The following VAV3 variants were observed in gnomAD, a reference collection of about 807,000 sequenced individuals.
The protein encoded by VAV3 is guanine nucleotide exchange factor VAV3.
In VAV3, 94 loss-of-function variants were observed where a neutral mutation model predicts 131.2. That is an observed-to-expected ratio of 0.72 (90% CI 0.61 to 0.85). VAV3 has a LOEUF of 0.85. Ranked by LOEUF, VAV3 falls within the 40% of genes least tolerant of loss-of-function variation. The pLI is 0.00. For missense variants in VAV3, 939 were observed against 1,002.7 expected (o/e 0.94, Z 0.86); for synonymous variants, 349 against 342.0 (o/e 1.02, Z -0.22).
chr1:107,715,869 G>A (rs1049338936), intron 15 of VAV3, among the ~76,000 whole-genome samples: 1 of 152,106 alleles, frequency 6.6e-6, no homozygotes, highest in African/African-American at 2.4e-5. Context: ...TGCTGAGCTG[G>A]CACAGTGAAT....
chr1:107,891,154 A>AG (rs1215819503), intron 1 of VAV3, among the ~76,000 whole-genome samples: 1 of 151,642 alleles, frequency 6.6e-6, no homozygotes, highest in Non-Finnish European at 1.5e-5. Flanking sequence ...TTCTTTAAAA[A>AG]AAAAAAAAAT....
At chr1:107,805,540 C>G (rs765647421) in intron 2 of VAV3, among the ~76,000 whole-genome samples, 1 of 152,124 alleles carries the variant, frequency 6.6e-6, no homozygotes, top group Non-Finnish European at 1.5e-5. Context: ...TTAAATTTCT[C>G]TGGTAAATTT....
At chr1:107,688,464 A>G (rs759183775) in intron 17 of VAV3, 58 bp from the exon 18 acceptor site, 57 of 1,608,984 alleles carry the variant, frequency 3.5e-5, no homozygotes, top group Non-Finnish European at 4.8e-5. Context: ...TTGGTTAGCA[A>G]CCTTAGCTTT....
At chr1:107,886,646 CTCT>C (rs762795118) in intron 1 of VAV3, among the ~76,000 whole-genome samples, 11 of 152,114 alleles carry the variant, frequency 7.2e-5, no homozygotes, top group Non-Finnish European at 1.5e-4. Context: ...AATAGCTTTC[CTCT>C]TCTTATGAAT....
At chr1:107,742,089 T>C (rs1570876206) in intron 15 of VAV3, among the ~76,000 whole-genome samples, 2 of 152,186 alleles carry the variant, frequency 1.3e-5, no homozygotes, top group African/African-American at 4.8e-5. Flanking sequence ...AAAAATCTAA[T>C]GCTGCTGGTA....
intron 2 of VAV3, among the ~76,000 whole-genome samples, chr1:107,815,015 C>A (rs943227194): frequency 6.6e-6 from 1 of 152,054 alleles, no homozygotes; most frequent in Admixed American, 6.5e-5. Flanking sequence ...AAGTTCCTAG[C>A]CCAAGGGAAT....
chr1:107,703,576 G>A (rs892580277), intron 17 of VAV3, among the ~76,000 whole-genome samples: 2 of 152,176 alleles, frequency 1.3e-5, no homozygotes, highest in African/African-American at 4.8e-5. Context: ...AGAGGAATGT[G>A]CTATGATCTC....
At chr1:107,588,451 G>A (rs1418945370) in intron 25 of VAV3, among the ~76,000 whole-genome samples, 3 of 152,162 alleles carry the variant, frequency 2.0e-5, no homozygotes, top group Non-Finnish European at 4.4e-5. Flanking sequence ...ACTTCACACT[G>A]GGTACCAGTA....
chr1:107,807,516 A>G (rs1003576021), intron 2 of VAV3, among the ~76,000 whole-genome samples: 1 of 152,246 alleles, frequency 6.6e-6, no homozygotes, highest in African/African-American at 2.4e-5. Flanking sequence ...ACAAGCCAGA[A>G]ACAAGAGCAG....
chr1:107,798,450 G>T (rs1666658066), intron 2 of VAV3, among the ~76,000 whole-genome samples: 1 of 152,070 alleles, frequency 6.6e-6, no homozygotes, highest in African/African-American at 2.4e-5. Flanking sequence ...CAGGCGTGGT[G>T]GCTCATGCCT....
chr1:107,741,091 C>G (rs1321923646), intron 15 of VAV3, among the ~76,000 whole-genome samples: 1 of 152,216 alleles, frequency 6.6e-6, no homozygotes, highest in Non-Finnish European at 1.5e-5. Flanking sequence ...GTAGTAGTTG[C>G]TGTTTCTTAG....
intron 19 of VAV3, among the ~76,000 whole-genome samples, chr1:107,667,442 T>C (rs536419285): frequency 6.6e-6 from 1 of 152,320 alleles, no homozygotes; most frequent in East Asian, 1.9e-4. Flanking sequence ...TGTAATGGGG[T>C]AGCAATGCAG....
chr1:107,833,664 C>G (rs1306124912), intron 2 of VAV3, among the ~76,000 whole-genome samples: 3 of 152,048 alleles, frequency 2.0e-5, no homozygotes, highest in Middle Eastern at 3.2e-3. Flanking sequence ...TCTGAATATT[C>G]AGGAATCAAT....
At chr1:107,851,202 TCATTCCCAAAG>T (rs1487664452) in intron 2 of VAV3, among the ~76,000 whole-genome samples, 2 of 145,968 alleles carry the variant, frequency 1.4e-5, no homozygotes, top group Non-Finnish European at 3.0e-5. Flanking sequence ...AAGCCGGCCC[TCATTCCCAAAG>T]CTAGAGGAAG....
chr1:107,751,321 T>A, intron 12 of VAV3, 119 bp from the exon 13 acceptor site: 1 of 821,828 alleles, frequency 1.2e-6, no homozygotes, highest in Non-Finnish European at 1.9e-6. Flanking sequence ...TACCATTTTT[T>A]ATACTTTTAA....
At chr1:107,573,742 A>G (rs907841671) in intron 26 of VAV3, among the ~76,000 whole-genome samples, 2 of 152,236 alleles carry the variant, frequency 1.3e-5, no homozygotes, top group Non-Finnish European at 2.9e-5. Context: ...TGCAATACAC[A>G]TAAAGTTTAG....
chr1:107,807,066 T>C (rs1434944082), intron 2 of VAV3, among the ~76,000 whole-genome samples: 1 of 152,162 alleles, frequency 6.6e-6, no homozygotes, highest in Non-Finnish European at 1.5e-5. Flanking sequence ...CCATCTCTGG[T>C]TGGTTGAACC....
intron 15 of VAV3, among the ~76,000 whole-genome samples, chr1:107,747,083 T>C (rs1663398667): frequency 6.6e-6 from 1 of 152,160 alleles, no homozygotes; most frequent in South Asian, 2.1e-4. Flanking sequence ...TATCACTATG[T>C]TGGCCAGGCT....
Position 107,655,923 on chromosome 1 carries a change from G to T in VAV3, c.1778-13168C>A, listed in dbSNP as rs375498185. ...GATATCATCTTACCCCATTTAGAAT[G>T]GCTTTTATCAAAAAGACAGAGGATA... is the stretch of plus-strand genomic sequence containing the variant. On this transcript the variant is annotated intron_variant, in intron 19 of 26. Coordinates refer to ENST00000370056, the MANE Select transcript of VAV3 (RefSeq NM_006113.5). Among the ~76,000 whole-genome samples, 17 of 152,110 alleles carry T rather than the reference G, an allele frequency of 1.1e-4. 1 individual carries two copies. The highest frequency in any genetic ancestry group is 8.5e-4 in the Admixed American group (13 of 15,262).
Sources: gnomAD v4.1 joint callset for allele counts (sites outside exome capture counted in the v4.1 genomes callset) on GRCh38, gnomAD v4.1.1 for gene constraint, MANE v1.5 for transcripts, NCBI Gene and HGNC (gene_info 2026-07-23, HGNC 2026-07-21) for gene names.